DHRSX: variants seen among roughly 807,000 people sequenced by gnomAD.
The protein encoded by DHRSX is polyprenol dehydrogenase.
In DHRSX, 31 loss-of-function variants were observed where a neutral mutation model predicts 34.0. The observed-to-expected ratio is 0.91, with a 90% CI of 0.69 to 1.23. DHRSX has a LOEUF of 1.23. Among genes scored for constraint, DHRSX ranks in the 50% most tolerant of loss-of-function variants. The pLI is 0.00. For synonymous variants in DHRSX, 201 were observed against 183.8 expected (o/e 1.09, Z -0.76); for missense variants, 414 against 428.1 (o/e 0.97, Z 0.29).
At chrX:2,500,453 TC>T (rs1337739170) in intron 1 of DHRSX, 1 of 161,510 alleles carries the variant, frequency 6.2e-6, no homozygotes, top group Non-Finnish European at 1.4e-5. Flanking sequence ...AGCCCCCGGG[TC>T]CCCGGCCATG....
At chrX:2,323,087 T>C (rs1385353896) in intron 3 of DHRSX, among the ~76,000 whole-genome samples, 1 of 150,562 alleles carries the variant, frequency 6.6e-6, no homozygotes, top group Admixed American at 6.6e-5. Flanking sequence ...CAGCTAATTT[T>C]TGTATCAAGG....
At chrX:2,327,431 T>C (rs2042399987) in intron 3 of DHRSX, among the ~76,000 whole-genome samples, 1 of 152,178 alleles carries the variant, frequency 6.6e-6, no homozygotes, top group Non-Finnish European at 1.5e-5. Context: ...CCAGCAGAGC[T>C]ACAGTGATGG....
intron 1 of DHRSX, among the ~76,000 whole-genome samples, chrX:2,496,113 A>C (rs1358115718): frequency 6.6e-6 from 1 of 152,226 alleles, no homozygotes; most frequent in Non-Finnish European, 1.5e-5. Context: ...TCAGTGACCT[A>C]CTGCACAGCG....
At chrX:2,445,924 G>T (rs1371937149) in intron 1 of DHRSX, among the ~76,000 whole-genome samples, 1 of 145,430 alleles carries the variant, frequency 6.9e-6, no homozygotes, top group Non-Finnish European at 1.5e-5. Context: ...CCAAGGGACC[G>T]ACGCCATGTA....
At chrX:2,492,639 GAGACAC>G (rs1204598228) in intron 1 of DHRSX, among the ~76,000 whole-genome samples, 4 of 151,490 alleles carry the variant, frequency 2.6e-5, no homozygotes, top group African/African-American at 9.7e-5. Context: ...GACAGAAGAG[GAGACAC>G]AGACACAGAG....
chrX:2,353,397 A>T (rs769537004), intron 3 of DHRSX, among the ~76,000 whole-genome samples: 82 of 152,146 alleles, frequency 5.4e-4, no homozygotes, highest in Non-Finnish European at 8.8e-4. Context: ...AAAAAAGAAA[A>T]AAGCGTCCAG....
At chrX:2,471,928 C>A (rs2044599446) in intron 1 of DHRSX, among the ~76,000 whole-genome samples, 1 of 151,784 alleles carries the variant, frequency 6.6e-6, no homozygotes, top group African/African-American at 2.4e-5. Context: ...GGCAGATTAA[C>A]TGAGGTCAGG....
rs143618863 is a variant in DHRSX, at chrX:2,319,819, G to C, written c.287-28216C>G. ...TACCCCTAACCCCCGTGTTGTTCAA[G>C]GGTCAGCTGTATATACATATTTTTT... On this transcript the variant is annotated intron_variant, in intron 3 of 6. Transcript: ENST00000334651. Among the ~76,000 whole-genome samples the C allele has an allele frequency of 4.9e-4, 74 of 152,014 alleles. 3 individuals carry two copies. In the East Asian group the frequency reaches 0.014, roughly 29 times the overall value.
intron 6 of DHRSX, among the ~76,000 whole-genome samples, chrX:2,229,457 C>A (rs1467254591): frequency 6.6e-6 from 1 of 152,060 alleles, no homozygotes; most frequent in African/African-American, 2.4e-5. Context: ...CCTCTCTGTA[C>A]CTGCTGCTTG....
At chrX:2,313,411 C>G (rs1301664889) in intron 3 of DHRSX, among the ~76,000 whole-genome samples, 1 of 151,786 alleles carries the variant, frequency 6.6e-6, no homozygotes, top group African/African-American at 2.4e-5. Flanking sequence ...CTCTGTCGCC[C>G]AGGCTGGAGT....
chrX:2,347,320 T>C (rs2042731946), intron 3 of DHRSX, among the ~76,000 whole-genome samples: 1 of 152,138 alleles, frequency 6.6e-6, no homozygotes, highest in African/African-American at 2.4e-5. Context: ...CTCACTATCA[T>C]GAGAACAGCA....
At chrX:2,336,293 C>G (rs1384622154) in intron 3 of DHRSX, 2 of 152,188 alleles carry the variant, frequency 1.3e-5, no homozygotes, top group African/African-American at 4.8e-5. Context: ...CAGGCGTGAG[C>G]CACCACGCCA....
At chrX:2,485,108 G>A (rs1233173501) in intron 1 of DHRSX, among the ~76,000 whole-genome samples, 1 of 152,192 alleles carries the variant, frequency 6.6e-6, no homozygotes, top group Non-Finnish European at 1.5e-5. Context: ...AGATGCAAGC[G>A]TGAAAACAAA....
chrX:2,236,067 G>C (rs1217543165), intron 6 of DHRSX, among the ~76,000 whole-genome samples: 1 of 151,354 alleles, frequency 6.6e-6, no homozygotes, highest in African/African-American at 2.4e-5. Context: ...AGCTGAGATC[G>C]CGCCATTGTA....
chrX:2,490,396 G>C (rs3752331), intron 1 of DHRSX: 2 of 1,613,644 alleles, frequency 1.2e-6, no homozygotes, highest in African/African-American at 2.7e-5. Flanking sequence ...CGGCCAGCGC[G>C]TCCTGCCCGG....
chrX:2,364,524 T>G (rs1028972404), intron 3 of DHRSX, among the ~76,000 whole-genome samples: 3 of 152,204 alleles, frequency 2.0e-5, no homozygotes, highest in African/African-American at 7.2e-5. Context: ...ACCTACCATT[T>G]ATCTATCAAC....
chrX:2,490,636 A>C (rs766597584), intron 1 of DHRSX: 1 of 1,613,902 alleles, frequency 6.2e-7, no homozygotes, highest in African/African-American at 1.3e-5. Flanking sequence ...CGAAGCCGAA[A>C]TACTTCCACA....
chrX:2,325,203 AG>A (rs2042365407), intron 3 of DHRSX, among the ~76,000 whole-genome samples: 1 of 152,136 alleles, frequency 6.6e-6, no homozygotes, highest in African/African-American at 2.4e-5. Context: ...CCTAGGGACT[AG>A]ACACGTTCAA....
rs190028869 is a variant in DHRSX at position 2,346,777 on chromosome X, C to G, written c.287-55174G>C. Reference sequence around the variant, plus strand: ...AACCCGTCATCTACATTAGGTATTTCTCCTAATGCTATCCCTCCCCCAGTC... The same window carrying G: ...AACCCGTCATCTACATTAGGTATTTGTCCTAATGCTATCCCTCCCCCAGTC... On this transcript the variant is annotated intron_variant, in intron 3 of 6. Coordinates refer to ENST00000334651, the MANE Select transcript of DHRSX (RefSeq NM_145177.3). 9.9e-3 allele frequency among the ~76,000 whole-genome samples: 1,509 copies of G among 152,104 alleles called. 14 individuals are homozygous for G. Among genetic ancestry groups the G allele is most frequent in the Non-Finnish European group, 0.014 (981 of 67,994 alleles).
Sources: gnomAD v4.1 joint callset for allele counts (sites outside exome capture counted in the v4.1 genomes callset) on GRCh38, gnomAD v4.1.1 for gene constraint, MANE v1.5 for transcripts, NCBI Gene and HGNC (gene_info 2026-07-23, HGNC 2026-07-21) for gene names.